Variants in BNIP3L observed in about 807,000 individuals in gnomAD.
The protein encoded by BNIP3L is BCL2 interacting protein 3 like.
A neutral mutation model predicts 25.5 loss-of-function variants in BNIP3L; 10 were observed. The ratio of observed to expected loss-of-function variants is 0.39; its 90% confidence interval spans 0.24 to 0.67. The LOEUF (loss-of-function observed/expected upper bound fraction) is 0.67. Among genes scored for constraint, BNIP3L ranks in the 30% least tolerant of loss-of-function variants. BNIP3L has a pLI of 0.45. For synonymous variants in BNIP3L, 113 were observed against 101.2 expected (o/e 1.12, Z -0.70); for missense variants, 215 against 270.9 (o/e 0.79, Z 1.45).
intron 1 of BNIP3L, among the ~76,000 whole-genome samples, chr8:26,383,848 CTTTTTCCTTTTTTATTTTT>C (rs879339112): frequency 1.3e-5 from 2 of 151,652 alleles, no homozygotes; most frequent in Non-Finnish European, 2.9e-5. Context: ...CTTGCTTCTC[CTTTTTCCTTTTTTATTTTT>C]TTATTAGATT....
chr8:26,404,376 T>C (rs1161627854), intron 3 of BNIP3L, among the ~76,000 whole-genome samples: 2 of 152,238 alleles, frequency 1.3e-5, no homozygotes, highest in African/African-American at 4.8e-5. Flanking sequence ...GATTTTTATC[T>C]GTACATGAAT....
In BNIP3L at chr8:26,407,570, C is replaced by G. The variant is rs554121404; in HGVS notation, c.358-430C>G. On this transcript the variant is annotated intron_variant, in intron 3 of 5. Transcript: ENST00000380629. ...CTCCAGCTTCTGACCTCAAGTGATC[C>G]GCCTGCCTCAGCCTCCCAAAGTGCT... 4.6e-5 allele frequency among the ~76,000 whole-genome samples: 7 copies of G among 152,048 alleles called. No homozygotes were observed. The East Asian group carries it at 1.4e-3, about 29-fold the overall frequency.
rs962555166 is a variant in BNIP3L, at chr8:26,407,311, G to A, written c.358-689G>A. Reference sequence around the variant, plus strand: ...CGCCATTCTCCTGCCTCAGCCTCCCGAGTAGCTGGGACTACAGGTGCCCGC... The same window carrying A: ...CGCCATTCTCCTGCCTCAGCCTCCCAAGTAGCTGGGACTACAGGTGCCCGC... On this transcript the variant is annotated intron_variant, in intron 3 of 5. Transcript: ENST00000380629. Among the ~76,000 whole-genome samples, 18 of 149,650 alleles carry A rather than the reference G, an allele frequency of 1.2e-4. 1 individual carries two copies. Among genetic ancestry groups the A allele is most frequent in the African/African-American group, 3.2e-4 (13 of 40,694 alleles).
In BNIP3L at chr8:26,412,562, A is replaced by T. The variant is rs561422332; in HGVS notation, c.*2150A>T. ...TAAAGCATCAGTGAAATTATGGAAAATTACTTAAAACGTGAATACATCATC... is the reference window on the plus strand; with the variant it reads ...TAAAGCATCAGTGAAATTATGGAAATTTACTTAAAACGTGAATACATCATC... On this transcript the variant is annotated 3_prime_UTR_variant, in exon 6 of 6. Transcript: ENST00000380629. The T allele has an allele frequency of 2.0e-5, 3 of 152,482 alleles. No individual in the cohort carries two copies. In the East Asian group the frequency reaches 5.8e-4, roughly 29 times the overall value. The allele number at this position is 152,482 out of a possible 1,614,324, so 9.4% of individuals were successfully genotyped here.
intron 2 of BNIP3L, among the ~76,000 whole-genome samples, chr8:26,392,221 A>G (rs1278050959): frequency 6.6e-6 from 1 of 151,000 alleles, no homozygotes; most frequent in African/African-American, 2.4e-5. Flanking sequence ...ACATTTAAGA[A>G]ATTCTTGTTT....
rs554121404 is a variant in BNIP3L, at chr8:26,407,570, C to T, written c.358-430C>T. On this transcript the variant is annotated intron_variant, in intron 3 of 5. Transcript: ENST00000380629. ...CTCCAGCTTCTGACCTCAAGTGATC[C>T]GCCTGCCTCAGCCTCCCAAAGTGCT... Among the ~76,000 whole-genome samples the T allele has an allele frequency of 2.0e-5, 3 of 152,166 alleles. No homozygotes were observed. In the South Asian group the frequency reaches 6.2e-4, roughly 32 times the overall value.
intron 1 of BNIP3L, among the ~76,000 whole-genome samples, chr8:26,384,022 G>T (rs928405268): frequency 2.0e-5 from 3 of 152,016 alleles, no homozygotes; most frequent in African/African-American, 7.3e-5. Context: ...AATTAAAAAC[G>T]CACTCGGGCA....
chr8:26,383,610 G>A, intron 1 of BNIP3L: 1 of 485,340 alleles, frequency 2.1e-6, no homozygotes, highest in African/African-American at 2.1e-5. Flanking sequence ...GGGCCGGGAT[G>A]GGGACGTGCG....
chr8:26,391,524 C>A, intron 2 of BNIP3L, 98 bp downstream of exon 2: 1 of 976,208 alleles, frequency 1.0e-6, no homozygotes, highest in Non-Finnish European at 1.4e-6. Flanking sequence ...CTTCACTTAG[C>A]AAAATATGCC....
chr8:26,408,821 G>A (rs1585442148), intron 5 of BNIP3L, among the ~76,000 whole-genome samples: 1 of 147,946 alleles, frequency 6.8e-6, no homozygotes, highest in African/African-American at 2.5e-5. Flanking sequence ...GCAGTGAGCC[G>A]AGATCATGCC....
rs1166342125 is a variant in BNIP3L, at chr8:26,391,282, A to G, written c.140A>G (p.Asn47Ser). ...CTACCCATGAACAGCAGCAATGGCAATGATAATGGCAATGGGAAAAATGGG... is the reference window on the plus strand; with the variant it reads ...CTACCCATGAACAGCAGCAATGGCAGTGATAATGGCAATGGGAAAAATGGG... The part of the protein sequence containing the change: ...VELPMNSSNG[N>S]DNGNGKNGGL... Residue 47 changes from asparagine to serine, a missense_variant, in exon 2 of 6, where the codon AAT becomes AGT. Physicochemically the swap from Asn to Ser is conservative, Grantham distance 46. Coordinates refer to ENST00000380629, the MANE Select transcript of BNIP3L (RefSeq NM_004331.3). 1 of 1,611,990 alleles carries G rather than the reference A, an allele frequency of 6.2e-7. No homozygotes were observed. Among genetic ancestry groups the G allele is most frequent in the Non-Finnish European group, 8.5e-7 (1 of 1,179,122 alleles).
intron 2 of BNIP3L, among the ~76,000 whole-genome samples, chr8:26,394,120 C>T (rs1467552991): frequency 6.6e-6 from 1 of 151,888 alleles, no homozygotes; most frequent in Non-Finnish European, 1.5e-5. Flanking sequence ...TGAAGGATCC[C>T]CAGTGACTTT....
chr8:26,384,009 C>G (rs3808582), intron 1 of BNIP3L, among the ~76,000 whole-genome samples: 9,652 of 151,936 alleles, frequency 0.064, 475 homozygotes, highest in East Asian at 0.25. Context: ...TTTAAAGAAA[C>G]GGAATTAAAA....
In BNIP3L at chr8:26,410,556, C is replaced by T; in HGVS notation, c.*144C>T. ...ATCCAATTCCAGTAACTCTCAAATTCAATATTTTATTCAAACTCTGTTGAG... is the reference window on the plus strand; with the variant it reads ...ATCCAATTCCAGTAACTCTCAAATTTAATATTTTATTCAAACTCTGTTGAG... On this transcript the variant is annotated 3_prime_UTR_variant, in exon 6 of 6. Transcript: ENST00000380629. The T allele has an allele frequency of 6.4e-6, 6 of 930,648 alleles. No homozygotes were observed. The South Asian group carries it at 8.7e-5, about 13-fold the overall frequency. The allele number at this position is 930,648 out of a possible 1,614,324, so 57.6% of individuals were successfully genotyped here.
chr8:26,401,561 TA>T (rs1173522728), intron 3 of BNIP3L, among the ~76,000 whole-genome samples: 66 of 48,506 alleles, frequency 1.4e-3, no homozygotes, highest in Admixed American at 4.3e-3. Context: ...AAACTTAAAT[TA>T]AAAAAAAAAA....
chr8:26,392,516 T>G (rs931379822), intron 2 of BNIP3L, among the ~76,000 whole-genome samples: 1 of 152,232 alleles, frequency 6.6e-6, no homozygotes, highest in Non-Finnish European at 1.5e-5. Flanking sequence ...GATCCACTAA[T>G]GTTGCCAAGG....
chr8:26,385,246 T>G (rs1371859248), intron 1 of BNIP3L, among the ~76,000 whole-genome samples: 1 of 152,168 alleles, frequency 6.6e-6, no homozygotes, highest in Non-Finnish European at 1.5e-5. Context: ...GTACGTGATT[T>G]CACTGAAAGC....
At chr8:26,390,397 C>G (rs780654053) in intron 1 of BNIP3L, 4 of 985,290 alleles carry the variant, frequency 4.1e-6, no homozygotes, top group African/African-American at 1.7e-5. Flanking sequence ...TCCAAGAAAA[C>G]TTTTCGTGTT....
chr8:26,404,370 T>C (rs1434474171), intron 3 of BNIP3L, among the ~76,000 whole-genome samples: 1 of 152,228 alleles, frequency 6.6e-6, no homozygotes, highest in Non-Finnish European at 1.5e-5. Flanking sequence ...AACTGTGATT[T>C]TTATCTGTAC....
Sources: gnomAD v4.1 joint callset for allele counts (sites outside exome capture counted in the v4.1 genomes callset) on GRCh38, gnomAD v4.1.1 for gene constraint, MANE v1.5 for transcripts, NCBI Gene and HGNC (gene_info 2026-07-23, HGNC 2026-07-21) for gene names.